ASIC2: variants seen among roughly 807,000 people sequenced by gnomAD.
ASIC2 encodes acid sensing ion channel subunit 2.
Under a neutral mutation model 57.3 loss-of-function variants are expected in ASIC2, and 25 were observed. The observed-to-expected ratio is 0.44, with a 90% CI of 0.32 to 0.61. The LOEUF (loss-of-function observed/expected upper bound fraction) is 0.61. Ranked by LOEUF, ASIC2 falls within the 20% of genes least tolerant of loss-of-function variation. The probability of loss-of-function intolerance (pLI) is 0.06; values close to 1 mark genes in which losing one functional copy is unlikely to be tolerated. For synonymous variants in ASIC2, 319 were observed against 307.5 expected, an observed-to-expected ratio of 1.04 and a Z score of -0.39; for missense variants, 641 against 738.1, an observed-to-expected ratio of 0.87 and a Z score of 1.52.
chr17:33,098,932 T>C (rs1404092051), intron 2 of ASIC2, among the ~76,000 whole-genome samples: 1 of 150,098 alleles, frequency 6.7e-6, no homozygotes, highest in Non-Finnish European at 1.5e-5. Flanking sequence ...ACACAAAATA[T>C]ATATATACAC....
At chr17:33,571,492 CTG>C (rs1916440435) in intron 1 of ASIC2, among the ~76,000 whole-genome samples, 1 of 152,208 alleles carries the variant, frequency 6.6e-6, no homozygotes, top group Non-Finnish European at 1.5e-5. Context: ...TCCCCAAAGA[CTG>C]TGATCCAGCC....
chr17:33,316,124 G>GT (rs1906634996), intron 1 of ASIC2, among the ~76,000 whole-genome samples: 1 of 152,148 alleles, frequency 6.6e-6, no homozygotes, highest in African/African-American at 2.4e-5. Flanking sequence ...ACCTCATGTG[G>GT]TTTTTTCCTG....
At chr17:33,768,421 A>C (rs1284286111) in intron 1 of ASIC2, among the ~76,000 whole-genome samples, 1 of 152,164 alleles carries the variant, frequency 6.6e-6, no homozygotes, top group South Asian at 2.1e-4. Flanking sequence ...TAAAGAGAGA[A>C]TTTATTTTTG....
At chr17:34,011,649 C>A (rs1435734676) in intron 1 of ASIC2, among the ~76,000 whole-genome samples, 1 of 152,218 alleles carries the variant, frequency 6.6e-6, no homozygotes, top group African/African-American at 2.4e-5. Context: ...TCCCAGCACT[C>A]CTCAGCCCTC....
chr17:33,211,167 A>G (rs1004055623), intron 1 of ASIC2, among the ~76,000 whole-genome samples: 1 of 152,184 alleles, frequency 6.6e-6, no homozygotes. Flanking sequence ...GTGACAGCGC[A>G]GAAGTGTGTG....
chr17:34,118,554 T>C (rs1240994551), intron 1 of ASIC2: 1 of 152,224 alleles, frequency 6.6e-6, no homozygotes, highest in Non-Finnish European at 1.5e-5. Context: ...TTGGCCACTA[T>C]CAGCAGAATA....
chr17:33,297,823 A>AAAAGAAAT (rs1905777555), upstream of ASIC2, among the ~76,000 whole-genome samples: 1 of 141,526 alleles, frequency 7.1e-6, no homozygotes, highest in Non-Finnish European at 1.5e-5. Flanking sequence ...ACCCTGTCTC[A>AAAAGAAAT]AAATAAATAA....
At chr17:34,037,460 C>A (rs111460313) in intron 1 of ASIC2, 2 of 698,036 alleles carry the variant, frequency 2.9e-6, no homozygotes, top group Non-Finnish European at 4.6e-6. Flanking sequence ...CAATGAGAAT[C>A]GATGCTGTCA....
At chr17:33,673,615 A>C (rs1340392651) in intron 1 of ASIC2, among the ~76,000 whole-genome samples, 1 of 152,152 alleles carries the variant, frequency 6.6e-6, no homozygotes, top group African/African-American at 2.4e-5. Context: ...GATGAAGGAC[A>C]TGTCCTCTGT....
At chr17:33,031,844 A>G (rs2091884963) in intron 3 of ASIC2, among the ~76,000 whole-genome samples, 1 of 152,196 alleles carries the variant, frequency 6.6e-6, no homozygotes, top group Admixed American at 6.5e-5. Context: ...CATCATTGTG[A>G]ATAATCATCT....
chr17:33,628,299 T>G lies in ASIC2; in HGVS notation c.556-516232A>C, dbSNP rs572696773. The stretch of plus-strand genomic sequence containing the variant: ...TGATATCTACCTGTCTGGTCTTTTT[T>G]TTTTTTTGTTGAGACAGGTTCTCAC... On this transcript the variant is annotated intron_variant, in intron 1 of 9. Transcript: ENST00000359872. Among the ~76,000 whole-genome samples, 3 of 152,178 alleles carry G rather than the reference T, an allele frequency of 2.0e-5. No individual in the cohort carries two copies. The South Asian group carries it at 6.2e-4, about 32-fold the overall frequency.
intron 1 of ASIC2, chr17:34,006,761 T>C (rs182900220): frequency 5.3e-5 from 8 of 152,242 alleles, no homozygotes; most frequent in African/African-American, 1.9e-4. Context: ...GGCTGACCCA[T>C]GGAGAGGGCA....
At chr17:33,224,205 TTCTC>T (rs1907793492) in intron 1 of ASIC2, among the ~76,000 whole-genome samples, 1 of 152,216 alleles carries the variant, frequency 6.6e-6, no homozygotes, top group Non-Finnish European at 1.5e-5. Flanking sequence ...AGAATTGGCG[TTCTC>T]TCTGTCTTGT....
chr17:33,821,065 T>G (rs1393996718), intron 1 of ASIC2, among the ~76,000 whole-genome samples: 1 of 152,206 alleles, frequency 6.6e-6, no homozygotes, highest in Admixed American at 6.5e-5. Flanking sequence ...GCACTTTTTC[T>G]GATTTGTTTC....
intron 1 of ASIC2, among the ~76,000 whole-genome samples, chr17:33,795,821 G>A (rs1002742563): frequency 6.6e-6 from 1 of 152,222 alleles, no homozygotes; most frequent in African/African-American, 2.4e-5. Context: ...GCAATCAGTA[G>A]CACTTCAATG....
intron 1 of ASIC2, among the ~76,000 whole-genome samples, chr17:33,782,291 T>G (rs533604036): frequency 3.3e-5 from 5 of 152,188 alleles, no homozygotes; most frequent in Non-Finnish European, 7.3e-5. Context: ...GTTTAACATT[T>G]TTACATTTAC....
At chr17:33,935,071 C>A (rs1327614785) in intron 1 of ASIC2, among the ~76,000 whole-genome samples, 1 of 152,248 alleles carries the variant, frequency 6.6e-6, no homozygotes, top group African/African-American at 2.4e-5. Context: ...TGAGCCCTGC[C>A]TGCAAGCCTC....
At chr17:33,268,794 T>TCCACACAAA (rs1314922512) in intron 1 of ASIC2, among the ~76,000 whole-genome samples, 4 of 152,206 alleles carry the variant, frequency 2.6e-5, no homozygotes, top group Non-Finnish European at 1.5e-5. Context: ...ATGGGGAAAC[T>TCCACACAAA]GAAGCTCAGA....
intron 1 of ASIC2, among the ~76,000 whole-genome samples, chr17:34,098,823 T>C (rs967618438): frequency 1.3e-5 from 2 of 152,034 alleles, no homozygotes; most frequent in African/African-American, 4.8e-5. Context: ...CATCCAGAAG[T>C]GATTTCTGGG....
Sources: gnomAD v4.1 joint callset for allele counts (sites outside exome capture counted in the v4.1 genomes callset) on GRCh38, gnomAD v4.1.1 for gene constraint, MANE v1.5 for transcripts, NCBI Gene and HGNC (gene_info 2026-07-23, HGNC 2026-07-21) for gene names.